Variants in FARP2 observed in about 807,000 individuals in gnomAD.
FARP2 encodes FERM, ARHGEF and pleckstrin domain-containing protein 2.
Under a neutral mutation model 130.5 loss-of-function variants are expected in FARP2, and 111 were observed. The ratio of observed to expected loss-of-function variants is 0.85; its 90% CI spans 0.73 to 1.00. The LOEUF (loss-of-function observed/expected upper bound fraction) is 1.00, where lower values mean the gene tolerates loss of function less well. FARP2 is among the 50% of genes least tolerant of loss of function. FARP2 has a pLI of 0.00. For missense variants in FARP2, 1,385 were observed against 1,346.3 expected, an observed-to-expected ratio of 1.03 and a Z score of -0.45; for synonymous variants, 504 against 516.9, an observed-to-expected ratio of 0.98 and a Z score of 0.34.
At chr2:241,381,360 A>G (rs2150313554) in intron 2 of FARP2, among the ~76,000 whole-genome samples, 1 of 152,168 alleles carries the variant, frequency 6.6e-6, no homozygotes, top group East Asian at 1.9e-4. Flanking sequence ...TCTAGGCAGG[A>G]TTGAGGACCG....
intron 12 of FARP2, among the ~76,000 whole-genome samples, chr2:241,440,083 A>G (rs2063342735): frequency 6.6e-6 from 1 of 152,234 alleles, no homozygotes; most frequent in South Asian, 2.1e-4. Context: ...GCATTTGAAA[A>G]TAGGTTAATC....
chr2:241,493,183 C>T (rs1261062594), intron 25 of FARP2, 110 bp from the exon 26 acceptor site: 9 of 1,342,644 alleles, frequency 6.7e-6, no homozygotes, highest in Non-Finnish European at 9.5e-6. Context: ...AAACTGGCTC[C>T]CTTGGCCCGT....
chr2:241,370,759 T>C (rs11684105), intron 1 of FARP2, among the ~76,000 whole-genome samples: 28,933 of 152,218 alleles, frequency 0.19, 3,092 homozygotes, highest in Middle Eastern at 0.35. Context: ...TTTGCTGTTA[T>C]CATCTTTACA....
chr2:241,419,312 G>A (rs990717602), intron 8 of FARP2, among the ~76,000 whole-genome samples: 1 of 152,156 alleles, frequency 6.6e-6, no homozygotes, highest in Admixed American at 6.5e-5. Context: ...AGCATCCCCT[G>A]CCTACACCTG....
intron 2 of FARP2, among the ~76,000 whole-genome samples, chr2:241,383,667 A>G (rs553880725): frequency 3.9e-5 from 6 of 152,170 alleles, no homozygotes; most frequent in African/African-American, 1.4e-4. Flanking sequence ...AGAAGGGAGC[A>G]AGGGAGGTAG....
chr2:241,466,432 C>G, intron 17 of FARP2: 1 of 985,442 alleles, frequency 1.0e-6, no homozygotes, highest in Non-Finnish European at 1.2e-6. Flanking sequence ...GTCCTCAGCA[C>G]CACTCACCAC....
Position 241,494,286 on chromosome 2 carries a change from G to C in FARP2, c.*161G>C, listed in dbSNP as rs1285885191. The C allele has an allele frequency of 2.3e-6, 1 of 426,018 alleles. No homozygotes were observed. The highest frequency in any genetic ancestry group is 4.2e-6 in the Non-Finnish European group (1 of 236,346). The allele number at this position is 426,018 out of a possible 1,614,324, so 26.4% of individuals were successfully genotyped here. ...GGGCCTCATGTAACATCTGGGAGGG[G>C]CTTCATCCCCCCACCCAGGACCTAG... is the stretch of plus-strand genomic sequence containing the variant. On this transcript the variant is annotated 3_prime_UTR_variant, in exon 27 of 27. Coordinates refer to ENST00000264042, the MANE Select transcript of FARP2 (RefSeq NM_014808.4). This position sits in a 1 kb window ranked among gnomAD's most constrained non-coding sequence, Gnocchi z 4.9.
chr2:241,373,190 C>T lies in FARP2; in HGVS notation c.83C>T (p.Thr28Ile), dbSNP rs2061461459. The change falls in exon 2 of 27, where the codon ACC becomes ATC. Residue 28 changes from threonine (T) to isoleucine (I), a missense_variant. Coordinates refer to ENST00000264042, the MANE Select transcript of FARP2 (RefSeq NM_014808.4). ...GCCCAGACCCCTGTGGGAGTTAGCA[C>T]CCTTGAGCCTGGGCAGACTCTCTTG... ...LGAQTPVGVSTLEPGQTLLPR... is the reference protein window; with the variant it reads ...LGAQTPVGVSILEPGQTLLPR... 3 of 1,582,592 alleles carry T rather than the reference C, an allele frequency of 1.9e-6. No individual in the cohort carries two copies. The highest frequency in any genetic ancestry group is 1.4e-5 in the African/African-American group (1 of 73,970).
intron 13 of FARP2, among the ~76,000 whole-genome samples, chr2:241,450,148 G>A (rs1001140112): frequency 7.9e-5 from 12 of 152,068 alleles, no homozygotes; most frequent in African/African-American, 2.9e-4. Flanking sequence ...GCCCAGGGAG[G>A]GAGTGAGAAG....
chr2:241,394,942 G>T (rs900127212), intron 2 of FARP2, among the ~76,000 whole-genome samples: 1 of 152,228 alleles, frequency 6.6e-6, no homozygotes, highest in African/African-American at 2.4e-5. Context: ...GTTTTCTGGT[G>T]ATGCTCACAC....
intron 2 of FARP2, among the ~76,000 whole-genome samples, chr2:241,395,183 T>C (rs890358743): frequency 1.4e-4 from 21 of 152,300 alleles, no homozygotes; most frequent in African/African-American, 4.8e-4. Context: ...TGAGGAAACC[T>C]GTTCCTTGTG....
intron 12 of FARP2, 25 bp from the exon 13 acceptor site, chr2:241,441,279 T>G (rs774564856): frequency 6.5e-7 from 1 of 1,543,392 alleles, no homozygotes; most frequent in Admixed American, 2.1e-5. Flanking sequence ...TATCCTTTTT[T>G]TCTTTTCTTA....
Position 241,494,076 on chromosome 2 carries a change from C to T in FARP2, c.3116C>T (p.Pro1039Leu). The part of the protein sequence containing the change: ...GRAPSIVQDG[P>L]QPSSGLEGMV... ...GCCCCAAGCATCGTGCAGGATGGCCCCCAACCCTCCTCAGGGCTGGAGGGG... is the reference window on the plus strand; with the variant it reads ...GCCCCAAGCATCGTGCAGGATGGCCTCCAACCCTCCTCAGGGCTGGAGGGG... Residue 1039 changes from proline (P) to leucine (L), a missense_variant, in exon 27 of 27, where the codon CCC becomes CTC. Coordinates refer to ENST00000264042, the MANE Select transcript of FARP2 (RefSeq NM_014808.4). The surrounding 1 kb of genome is among the most constrained non-coding windows in gnomAD (Gnocchi z 4.9). The T allele has an allele frequency of 6.9e-7, 1 of 1,448,526 alleles. No individual in the cohort carries two copies. Among genetic ancestry groups the T allele is most frequent in the Non-Finnish European group, 9.1e-7 (1 of 1,104,626 alleles). The allele number at this position is 1,448,526 out of a possible 1,614,324, so 89.7% of individuals were successfully genotyped here.
chr2:241,414,677 T>C (rs1002681165), intron 7 of FARP2, among the ~76,000 whole-genome samples: 1 of 152,062 alleles, frequency 6.6e-6, no homozygotes, highest in African/African-American at 2.4e-5. Flanking sequence ...TGCAGGGGAG[T>C]GCCTTTTGTG....
intron 17 of FARP2, chr2:241,466,559 C>T (rs1266056961): frequency 1.0e-6 from 1 of 985,322 alleles, no homozygotes; most frequent in Non-Finnish European, 1.2e-6. Flanking sequence ...GCCACTTCCA[C>T]CTCCCGCTAG....
At chr2:241,384,517 C>G (rs1312349768) in intron 2 of FARP2, among the ~76,000 whole-genome samples, 2 of 152,178 alleles carry the variant, frequency 1.3e-5, no homozygotes, top group Non-Finnish European at 2.9e-5. Flanking sequence ...CTGATAAGTT[C>G]ATGGATCAAT....
intron 2 of FARP2, among the ~76,000 whole-genome samples, chr2:241,396,887 G>A (rs1396654287): frequency 1.3e-5 from 2 of 152,160 alleles, no homozygotes; most frequent in Non-Finnish European, 2.9e-5. Flanking sequence ...ATGCACACGT[G>A]TGTTTCTTGC....
chr2:241,442,825 C>G, intron 13 of FARP2: 1 of 279,694 alleles, frequency 3.6e-6, no homozygotes, highest in Non-Finnish European at 7.0e-6. Context: ...TGCTTTGATT[C>G]AAGTAAGAAC....
rs2065045540 is a variant in FARP2 at position 241,494,329 on chromosome 2, C to G, written c.*204C>G. ...GGACCTAGTGCATGCCAGCAGCTATCTGGGGCCCTGGGAAAAATGTGCGAG... is the reference window on the plus strand; with the variant it reads ...GGACCTAGTGCATGCCAGCAGCTATGTGGGGCCCTGGGAAAAATGTGCGAG... On this transcript the variant is annotated 3_prime_UTR_variant, in exon 27 of 27. Coordinates refer to ENST00000264042, the MANE Select transcript of FARP2 (RefSeq NM_014808.4). The surrounding 1 kb of genome is among the most constrained non-coding windows in gnomAD (Gnocchi z 4.9). 1 of 385,128 alleles carries G rather than the reference C, an allele frequency of 2.6e-6. No individual in the cohort carries two copies. The highest frequency in any genetic ancestry group is 4.7e-6 in the Non-Finnish European group (1 of 211,072). The allele number at this position is 385,128 out of a possible 1,614,324, so 23.9% of individuals were successfully genotyped here. A position where few individuals can be genotyped will look rare whatever the true frequency, so the allele number is the denominator to read the frequency against.
Sources: allele counts gnomAD v4.1 joint callset (sites outside exome capture counted in the v4.1 genomes callset), GRCh38; gene constraint gnomAD v4.1.1; non-coding constraint Gnocchi (gnomAD v3.1); transcripts MANE v1.5; gene names NCBI Gene and HGNC (gene_info 2026-07-23, HGNC 2026-07-21).